The following TSPAN13 variants were observed in gnomAD, a reference collection of about 807,000 sequenced individuals.
TSPAN13 encodes tetraspanin-13.
Under a neutral mutation model 26.9 loss-of-function variants are expected in TSPAN13, and 18 were observed. The observed-to-expected ratio is 0.67, with a 90% CI of 0.46 to 0.99. TSPAN13 has a LOEUF of 0.99. Ranked by LOEUF, TSPAN13 falls within the 50% of genes least tolerant of loss-of-function variation. The pLI is 0.00. For missense variants in TSPAN13, 201 were observed against 249.6 expected (o/e 0.81, Z 1.31); for synonymous variants, 116 against 98.4 (o/e 1.18, Z -1.06).
At chr7:16,765,486 C>G (rs1311009950) in intron 1 of TSPAN13, among the ~76,000 whole-genome samples, 2 of 152,196 alleles carry the variant, frequency 1.3e-5, no homozygotes, top group Non-Finnish European at 2.9e-5. Flanking sequence ...TGTACACTTG[C>G]AGTTTTGCCA....
rs1784450616 is a variant in TSPAN13, at chr7:16,753,870, G to A, written c.-98G>A. The stretch of plus-strand genomic sequence containing the variant: ...CCACCCACGTCTGCGTTGCTGCCCC[G>A]CCTGGGCCAGGCCCCAAAGGCAAGG... On this transcript the variant is annotated 5_prime_UTR_variant, in exon 1 of 6. Transcript: ENST00000262067. The A allele has an allele frequency of 3.8e-6, 5 of 1,315,874 alleles. No individual in the cohort carries two copies. The highest frequency in any genetic ancestry group is 1.3e-5 in the South Asian group (1 of 79,340). The allele number at this position is 1,315,874 out of a possible 1,614,324, so 81.5% of individuals were successfully genotyped here.
intron 1 of TSPAN13, among the ~76,000 whole-genome samples, chr7:16,775,203 C>G (rs1460729225): frequency 6.6e-6 from 1 of 152,132 alleles, no homozygotes; most frequent in Non-Finnish European, 1.5e-5. Context: ...ACCTGTCCCC[C>G]ACTCCTCCCC....
chr7:16,782,936 C>T (rs1473668287), intron 5 of TSPAN13, among the ~76,000 whole-genome samples: 7 of 152,184 alleles, frequency 4.6e-5, no homozygotes, highest in African/African-American at 1.7e-4. Context: ...CTCACCAGCC[C>T]TCCTTTTACA....
chr7:16,776,010 C>A, intron 1 of TSPAN13: 1 of 443,978 alleles, frequency 2.3e-6, no homozygotes, highest in Non-Finnish European at 3.9e-6. Context: ...GAATAAAGCA[C>A]GCCTGGGGAT....
chr7:16,762,582 A>G (rs1784555683), intron 1 of TSPAN13, among the ~76,000 whole-genome samples: 1 of 152,222 alleles, frequency 6.6e-6, no homozygotes, highest in South Asian at 2.1e-4. Context: ...AACCAAGACC[A>G]CAATGTTAGG....
Position 16,753,931 on chromosome 7 carries a change from A to C in TSPAN13, c.-37A>C. 2.5e-6 allele frequency: 4 copies of C among 1,604,880 alleles called. No homozygotes were observed. Among genetic ancestry groups the C allele is most frequent in the Middle Eastern group, 1.7e-4 (1 of 6,052 alleles). On this transcript the variant is annotated 5_prime_UTR_variant, in exon 1 of 6. Transcript: ENST00000262067. ...TGTCAGGGAACCTCCGCCGGAGTCGAATTTACGTGCAGCTGCCGGCAACCA... is the reference window on the plus strand; with the variant it reads ...TGTCAGGGAACCTCCGCCGGAGTCGCATTTACGTGCAGCTGCCGGCAACCA...
intron 1 of TSPAN13, among the ~76,000 whole-genome samples, chr7:16,770,457 G>C (rs57126281): frequency 0.12 from 18,856 of 152,140 alleles, 1,213 homozygotes; most frequent in East Asian, 0.18. Flanking sequence ...TGATCCACCC[G>C]CTTCGGCCTC....
chr7:16,763,486 C>A (rs1784569222), intron 1 of TSPAN13, among the ~76,000 whole-genome samples: 1 of 152,178 alleles, frequency 6.6e-6, no homozygotes, highest in Admixed American at 6.5e-5. Context: ...AAGTCGCTCG[C>A]CCCTTTCATC....
At chr7:16,764,519 G>A (rs906322429) in intron 1 of TSPAN13, among the ~76,000 whole-genome samples, 4 of 151,982 alleles carry the variant, frequency 2.6e-5, no homozygotes, top group South Asian at 2.1e-4. Flanking sequence ...GTGAATGTAC[G>A]TGTATGTGAC....
At chr7:16,756,103 G>A (rs1784478864) in intron 1 of TSPAN13, among the ~76,000 whole-genome samples, 2 of 152,120 alleles carry the variant, frequency 1.3e-5, no homozygotes, top group African/African-American at 2.4e-5. Flanking sequence ...TAAAGTGGAG[G>A]CAAGTGACAG....
intron 1 of TSPAN13, among the ~76,000 whole-genome samples, chr7:16,760,226 A>G (rs1441421278): frequency 1.3e-5 from 2 of 152,312 alleles, no homozygotes; most frequent in East Asian, 1.9e-4. Flanking sequence ...AGTTAAGAAT[A>G]TATTATAGAT....
intron 1 of TSPAN13, 122 bp from the exon 2 acceptor site, chr7:16,776,089 C>T (rs1784739714): frequency 1.3e-5 from 11 of 851,686 alleles, no homozygotes; most frequent in Non-Finnish European, 1.8e-5. Context: ...AGTTTTAGTG[C>T]TTATTTGTAA....
rs1437926002 is a variant in TSPAN13, at chr7:16,784,391, A to G, written c.*900A>G. 2.0e-5 allele frequency: 3 copies of G among 152,226 alleles called. No homozygotes were observed. The highest frequency in any genetic ancestry group is 4.8e-5 in the African/African-American group (2 of 41,466). 9.4% of individuals were successfully genotyped at this position (152,226 alleles called of 1,614,324 possible). A position where few individuals can be genotyped will look rare whatever the true frequency, so the allele number is the denominator to read the frequency against. Reference sequence around the variant, plus strand: ...TAACAGCAACTTGTCAAACCTAAGCATATTTGAATATGATCTCCCATAATT... The same window carrying G: ...TAACAGCAACTTGTCAAACCTAAGCGTATTTGAATATGATCTCCCATAATT... On this transcript the variant is annotated 3_prime_UTR_variant, in exon 6 of 6. Transcript: ENST00000262067.
chr7:16,771,820 G>C (rs1387609711), intron 1 of TSPAN13, among the ~76,000 whole-genome samples: 5 of 152,156 alleles, frequency 3.3e-5, no homozygotes, highest in Non-Finnish European at 7.3e-5. Context: ...GCCTGGTAGT[G>C]GTAATTAGGG....
chr7:16,770,413 T>C (rs916189278), intron 1 of TSPAN13, among the ~76,000 whole-genome samples: 2 of 152,180 alleles, frequency 1.3e-5, no homozygotes, highest in Non-Finnish European at 2.9e-5. Flanking sequence ...TTTCACCATG[T>C]TGGCCAGACT....
At chr7:16,755,373 G>A (rs778794258) in intron 1 of TSPAN13, among the ~76,000 whole-genome samples, 7 of 152,058 alleles carry the variant, frequency 4.6e-5, no homozygotes, top group Non-Finnish European at 1.0e-4. Context: ...TAAGAATCTG[G>A]TCAACATGGT....
chr7:16,755,541 G>GTTTTTT (rs34234997), intron 1 of TSPAN13, among the ~76,000 whole-genome samples: 1 of 139,364 alleles, frequency 7.2e-6, no homozygotes. Context: ...GTTCTCTAGG[G>GTTTTTT]TTTTTTTTTT....
rs1280680386 is a variant in TSPAN13 at position 16,777,821 on chromosome 7, G to C, written c.336G>C (p.Trp112Cys). The C allele has an allele frequency of 6.2e-7, 1 of 1,613,758 alleles. No homozygotes were observed. The highest frequency in any genetic ancestry group is 8.5e-7 in the Non-Finnish European group (1 of 1,179,804). ...EQQGQLLEVG[W>C]NNTASARNDI... Reference sequence around the variant, plus strand: ...AGGGTCAGCTTCTGGAGGTTGGTTGGAACAATACGGCAAGTGCTCGAAATG... The same window carrying C: ...AGGGTCAGCTTCTGGAGGTTGGTTGCAACAATACGGCAAGTGCTCGAAATG... Residue 112 changes from tryptophan (W) to cysteine (C), a missense_variant, in exon 4 of 6, where the codon TGG becomes TGC. Physicochemically the swap from Trp to Cys is radical, Grantham distance 215. Coordinates refer to ENST00000262067, the MANE Select transcript of TSPAN13 (RefSeq NM_014399.4).
At chr7:16,776,641 A>T (rs1235951722) in intron 2 of TSPAN13, among the ~76,000 whole-genome samples, 1 of 152,122 alleles carries the variant, frequency 6.6e-6, no homozygotes, top group East Asian at 1.9e-4. Flanking sequence ...TTCAGAGTTA[A>T]ATTGAATTGA....
Sources: allele counts gnomAD v4.1 joint callset (sites outside exome capture counted in the v4.1 genomes callset), GRCh38; gene constraint gnomAD v4.1.1; transcripts MANE v1.5; gene names NCBI Gene and HGNC (gene_info 2026-07-23, HGNC 2026-07-21).